The following SMYD3 variants were observed in gnomAD, a reference collection of about 807,000 sequenced individuals.
SMYD3 encodes histone-lysine N-methyltransferase SMYD3.
SMYD3 carries 36 observed loss-of-function variants against 57.7 expected under a neutral mutation model. The observed-to-expected ratio is 0.62, with a 90% CI of 0.48 to 0.82. The LOEUF (loss-of-function observed/expected upper bound fraction) is 0.82. SMYD3 is among the 40% of genes least tolerant of loss of function. SMYD3 has a pLI of 0.00. For synonymous variants in SMYD3, 211 were observed against 195.0 expected, an observed-to-expected ratio of 1.08 and a Z score of -0.68; for missense variants, 515 against 538.8, an observed-to-expected ratio of 0.96 and a Z score of 0.44.
intron 5 of SMYD3, among the ~76,000 whole-genome samples, chr1:246,243,240 C>T (rs2063645252): frequency 6.6e-6 from 1 of 151,848 alleles, no homozygotes. Context: ...GAATTAAATG[C>T]TGCATATGAG....
At chr1:245,909,223 C>T (rs1190527875) in intron 8 of SMYD3, among the ~76,000 whole-genome samples, 2 of 152,010 alleles carry the variant, frequency 1.3e-5, no homozygotes, top group African/African-American at 4.8e-5. Flanking sequence ...GATAAATTCC[C>T]AGTCACACAC....
intron 5 of SMYD3, among the ~76,000 whole-genome samples, chr1:245,997,781 G>A (rs1277104246): frequency 6.6e-6 from 1 of 152,194 alleles, no homozygotes; most frequent in Non-Finnish European, 1.5e-5. Flanking sequence ...GGACAAAGGG[G>A]GAAGGACAAA....
At chr1:245,802,423 A>C (rs964223273) in intron 10 of SMYD3, among the ~76,000 whole-genome samples, 1 of 152,232 alleles carries the variant, frequency 6.6e-6, no homozygotes, top group African/African-American at 2.4e-5. Flanking sequence ...AAATTATGAA[A>C]ATAGCTACTT....
intron 10 of SMYD3, among the ~76,000 whole-genome samples, chr1:245,803,989 C>T (rs1485596762): frequency 6.6e-6 from 1 of 150,910 alleles, no homozygotes; most frequent in Non-Finnish European, 1.5e-5. Context: ...TCTCGGCTCA[C>T]TGCAACCTCC....
intron 5 of SMYD3, among the ~76,000 whole-genome samples, chr1:245,949,558 C>T (rs2057546821): frequency 1.3e-5 from 2 of 152,234 alleles, no homozygotes; most frequent in Admixed American, 1.3e-4. Flanking sequence ...GCCTGTAATC[C>T]CAGCACTTTG....
chr1:246,413,512 A>C (rs1283687813), intron 1 of SMYD3, among the ~76,000 whole-genome samples: 1 of 152,112 alleles, frequency 6.6e-6, no homozygotes, highest in Non-Finnish European at 1.5e-5. Flanking sequence ...CGTCCCCACC[A>C]AATCTCACGC....
chr1:246,416,993 T>A lies in SMYD3; in HGVS notation c.165-61899A>T, dbSNP rs559678907. Among the ~76,000 whole-genome samples, 22 of 152,252 alleles carry A rather than the reference T, an allele frequency of 1.4e-4. 2 individuals carry two copies. Among genetic ancestry groups the A allele is most frequent in the African/African-American group, 5.3e-4 (22 of 41,554 alleles). ...GTCATTGCCAAGACCAGACAGACTGTTCGTCTGTTCTTCAGAGGGCAGCTT... is the reference window on the plus strand; with the variant it reads ...GTCATTGCCAAGACCAGACAGACTGATCGTCTGTTCTTCAGAGGGCAGCTT... On this transcript the variant is annotated intron_variant, in intron 1 of 11. Transcript: ENST00000490107.
intron 10 of SMYD3, among the ~76,000 whole-genome samples, chr1:245,815,539 T>G (rs1360283852): frequency 6.6e-6 from 1 of 152,244 alleles, no homozygotes; most frequent in Non-Finnish European, 1.5e-5. Context: ...GTGACTCTGA[T>G]GCATATTAAG....
intron 5 of SMYD3, among the ~76,000 whole-genome samples, chr1:245,983,763 C>T (rs1397054551): frequency 3.3e-5 from 5 of 152,150 alleles, no homozygotes; most frequent in Admixed American, 6.5e-5. Context: ...CCCTGAACAC[C>T]TCAAGACTGA....
chr1:246,263,381 A>G (rs922795772), intron 5 of SMYD3, among the ~76,000 whole-genome samples: 1 of 152,194 alleles, frequency 6.6e-6, no homozygotes, highest in Non-Finnish European at 1.5e-5. Context: ...GTTAGGGCTC[A>G]TTAACAGTTA....
chr1:246,055,990 AAG>A (rs10569707), intron 5 of SMYD3, among the ~76,000 whole-genome samples: 20,047 of 152,148 alleles, frequency 0.13, 1,574 homozygotes, highest in African/African-American at 0.21. Flanking sequence ...GTATACCTAA[AAG>A]TGGTCATAAT....
At chr1:246,031,017 G>C (rs74787007) in intron 5 of SMYD3, among the ~76,000 whole-genome samples, 2,742 of 152,170 alleles carry the variant, frequency 0.018, 113 homozygotes, top group South Asian at 0.15. Flanking sequence ...CCAAAACACT[G>C]TTTGAAAAAA....
intron 5 of SMYD3, among the ~76,000 whole-genome samples, chr1:246,188,484 A>G (rs931613487): frequency 5.9e-5 from 9 of 152,196 alleles, no homozygotes; most frequent in African/African-American, 2.2e-4. Flanking sequence ...CAATGGCATT[A>G]AATTCAAAAT....
At chr1:246,065,301 C>A (rs944858912) in intron 5 of SMYD3, among the ~76,000 whole-genome samples, 1 of 152,164 alleles carries the variant, frequency 6.6e-6, no homozygotes, top group African/African-American at 2.4e-5. Context: ...GACTTAGGAG[C>A]AAGACTCAAA....
At chr1:246,241,941 C>A (rs940673058) in intron 5 of SMYD3, among the ~76,000 whole-genome samples, 10 of 151,990 alleles carry the variant, frequency 6.6e-5, no homozygotes, top group Non-Finnish European at 1.5e-4. Flanking sequence ...TGGTGATACC[C>A]CCTTTATCAT....
intron 5 of SMYD3, among the ~76,000 whole-genome samples, chr1:245,990,015 T>G (rs949840695): frequency 6.6e-6 from 1 of 152,230 alleles, no homozygotes; most frequent in African/African-American, 2.4e-5. Flanking sequence ...CCTGAGGTAG[T>G]TGGAAGGTGT....
At chr1:245,873,421 G>A (rs1485589938) in intron 8 of SMYD3, among the ~76,000 whole-genome samples, 2 of 152,130 alleles carry the variant, frequency 1.3e-5, no homozygotes, top group South Asian at 2.1e-4. Flanking sequence ...TTGTGTAAAC[G>A]CTACCAGGTG....
At chr1:246,393,144 A>C (rs1466686665) in intron 1 of SMYD3, among the ~76,000 whole-genome samples, 1 of 152,214 alleles carries the variant, frequency 6.6e-6, no homozygotes, top group African/African-American at 2.4e-5. Context: ...TTTAGAAAGA[A>C]GGAAAATGTT....
intron 1 of SMYD3, among the ~76,000 whole-genome samples, chr1:246,390,664 T>C (rs2066546010): frequency 1.3e-5 from 2 of 152,232 alleles, no homozygotes; most frequent in African/African-American, 4.8e-5. Flanking sequence ...TAATCCAACA[T>C]ATCCAAAGTA....
Sources: gnomAD v4.1 joint callset for allele counts (sites outside exome capture counted in the v4.1 genomes callset) on GRCh38, gnomAD v4.1.1 for gene constraint, MANE v1.5 for transcripts, NCBI Gene and HGNC (gene_info 2026-07-23, HGNC 2026-07-21) for gene names.